The following CPA6 variants were observed in gnomAD, a reference collection of about 807,000 sequenced individuals.
CPA6 encodes carboxypeptidase A6, also known as carboxypeptidase B.
Under a neutral mutation model 63.3 loss-of-function variants are expected in CPA6, and 58 were observed. The observed-to-expected ratio is 0.92, with a 90% CI of 0.74 to 1.14. The LOEUF is 1.14. CPA6 is among the 50% of genes most tolerant of loss of function. CPA6 has a pLI of 0.00. For synonymous variants in CPA6, 185 were observed against 179.0 expected, an observed-to-expected ratio of 1.03 and a Z score of -0.27; for missense variants, 565 against 526.6, an observed-to-expected ratio of 1.07 and a Z score of -0.71.
intron 2 of CPA6, among the ~76,000 whole-genome samples, chr8:67,589,007 A>G (rs1192937676): frequency 6.6e-6 from 1 of 151,776 alleles, no homozygotes; most frequent in African/African-American, 2.4e-5. Context: ...ATACCAGAAA[A>G]CTCAAGAGGC....
At chr8:67,543,359 T>A (rs907297618) in intron 2 of CPA6, among the ~76,000 whole-genome samples, 3 of 152,250 alleles carry the variant, frequency 2.0e-5, no homozygotes, top group African/African-American at 7.2e-5. Flanking sequence ...CAGCACGATA[T>A]CAAGGGGCTT....
rs1306654202 is a variant in CPA6 at position 67,681,206 on chromosome 8, T to C, written c.117-56955A>G. Among the ~76,000 whole-genome samples the C allele has an allele frequency of 2.2e-4, 24 of 107,768 alleles. 1 individual carries two copies. Among genetic ancestry groups the C allele is most frequent in the African/African-American group, 1.1e-3 (20 of 18,730 alleles). 70.7% of individuals were successfully genotyped at this position (107,768 alleles called of 152,430 possible). A position where few individuals can be genotyped will look rare whatever the true frequency, so the allele number is the denominator to read the frequency against. Reference sequence around the variant, plus strand: ...CCAAGGTCACAAAGATTTTCTTTTTTTTTTTTTTTTTTTTGAGACGGAGTC... The same window carrying C: ...CCAAGGTCACAAAGATTTTCTTTTTCTTTTTTTTTTTTTTGAGACGGAGTC... On this transcript the variant is annotated intron_variant, in intron 1 of 10. Transcript: ENST00000297770.
chr8:67,746,064 CAA>C lies in CPA6; in HGVS notation c.64_65del (p.Leu22GlufsTer12). 1 of 1,613,886 alleles carries C rather than the reference CAA, an allele frequency of 6.2e-7. No homozygotes were observed. The highest frequency in any genetic ancestry group is 8.5e-7 in the Non-Finnish European group (1 of 1,179,842). On this transcript the variant is annotated frameshift_variant, in exon 1 of 11. Coordinates refer to ENST00000297770, the MANE Select transcript of CPA6 (RefSeq NM_020361.5). LOFTEE classifies it high-confidence loss of function. ...GGCTGTGCCCCGGTTGCAGAATCTT[CAA>C]AAAGAGCCAGCAAAGAGGCAGGAAA... ...AAFLPLCWLF[L>X]KILQPGHSHL...
At chr8:67,686,408 C>T (rs1018997646) in intron 1 of CPA6, among the ~76,000 whole-genome samples, 6 of 152,120 alleles carry the variant, frequency 3.9e-5, no homozygotes, top group East Asian at 1.9e-4. Context: ...AACCTGGTTC[C>T]GCATAAACAT....
intron 8 of CPA6, among the ~76,000 whole-genome samples, chr8:67,462,859 A>G (rs1324493314): frequency 6.6e-6 from 1 of 152,152 alleles, no homozygotes; most frequent in Non-Finnish European, 1.5e-5. Flanking sequence ...AGTAGCATTC[A>G]AGCAGAGTGC....
At chr8:67,577,135 C>G (rs79952319) in intron 2 of CPA6, among the ~76,000 whole-genome samples, 10,376 of 152,074 alleles carry the variant, frequency 0.068, 632 homozygotes, top group African/African-American at 0.16. Context: ...GATTATAGGC[C>G]TGAGTCACCT....
chr8:67,544,998 A>T (rs1022157200), intron 2 of CPA6, among the ~76,000 whole-genome samples: 1 of 152,226 alleles, frequency 6.6e-6, no homozygotes, highest in Non-Finnish European at 1.5e-5. Context: ...ATTTATCAAC[A>T]AGAAAGACTT....
rs374424995 is a variant in CPA6, at chr8:67,622,262, C to T, written c.192+1914G>A. On this transcript the variant is annotated intron_variant, in intron 2 of 10. Coordinates refer to ENST00000297770, the MANE Select transcript of CPA6 (RefSeq NM_020361.5). ...TATGAAAACACAATTTCAGTGGAGA[C>T]GGAAACTTCCACTCAAAACTTGCTT... is the stretch of plus-strand genomic sequence containing the variant. Among the ~76,000 whole-genome samples, 21 of 152,306 alleles carry T rather than the reference C, an allele frequency of 1.4e-4. No individual in the cohort carries two copies. In the East Asian group the frequency reaches 1.9e-3, roughly 14 times the overall value.
chr8:67,653,559 A>G (rs1304864229), intron 1 of CPA6, among the ~76,000 whole-genome samples: 1 of 151,916 alleles, frequency 6.6e-6, no homozygotes, highest in Non-Finnish European at 1.5e-5. Flanking sequence ...TTATTGGTGT[A>G]TAAGAATGTT....
intron 1 of CPA6, among the ~76,000 whole-genome samples, chr8:67,699,529 G>A (rs1427727756): frequency 3.3e-5 from 5 of 151,326 alleles, no homozygotes; most frequent in Non-Finnish European, 7.4e-5. Flanking sequence ...ACATTTACAT[G>A]CAATTTTAAG....
intron 6 of CPA6, among the ~76,000 whole-genome samples, chr8:67,493,026 C>G (rs937151902): frequency 6.6e-6 from 1 of 151,958 alleles, no homozygotes; most frequent in African/African-American, 2.4e-5. Flanking sequence ...TGGCAGTGAA[C>G]CAAAGTCAGA....
intron 2 of CPA6, among the ~76,000 whole-genome samples, chr8:67,523,177 G>T (rs945612537): frequency 6.6e-5 from 10 of 152,104 alleles, no homozygotes; most frequent in African/African-American, 2.2e-4. Flanking sequence ...ACTATAAATA[G>T]CATATTTTAA....
chr8:67,558,761 A>G (rs1813128296), intron 2 of CPA6, among the ~76,000 whole-genome samples: 1 of 152,188 alleles, frequency 6.6e-6, no homozygotes, highest in Non-Finnish European at 1.5e-5. Flanking sequence ...ATGTGTTTGA[A>G]CCAGGCAAAT....
At chr8:67,484,417 G>C (rs1404346738) in intron 7 of CPA6, among the ~76,000 whole-genome samples, 1 of 152,086 alleles carries the variant, frequency 6.6e-6, no homozygotes, top group Non-Finnish European at 1.5e-5. Flanking sequence ...AAAATTGAAT[G>C]GGCTGGACTA....
intron 1 of CPA6, among the ~76,000 whole-genome samples, chr8:67,663,974 G>A (rs1816174598): frequency 6.6e-6 from 1 of 152,298 alleles, no homozygotes; most frequent in African/African-American, 2.4e-5. Flanking sequence ...GCAGGAGGGG[G>A]CCTTTATTGG....
chr8:67,538,922 G>A (rs1306650558), intron 2 of CPA6, among the ~76,000 whole-genome samples: 2 of 152,142 alleles, frequency 1.3e-5, no homozygotes, highest in Non-Finnish European at 2.9e-5. Context: ...GACTCCCCAA[G>A]TGCTGGGATT....
intron 2 of CPA6, among the ~76,000 whole-genome samples, chr8:67,611,286 G>A (rs1176161651): frequency 6.6e-6 from 1 of 152,092 alleles, no homozygotes; most frequent in Non-Finnish European, 1.5e-5. Flanking sequence ...GTTTTGCCAT[G>A]TTGGCCAGGC....
intron 1 of CPA6, among the ~76,000 whole-genome samples, chr8:67,654,051 T>A (rs1287487703): frequency 6.6e-6 from 1 of 152,196 alleles, no homozygotes; most frequent in Non-Finnish European, 1.5e-5. Flanking sequence ...CATTTACTGA[T>A]TTGCATATAT....
intron 10 of CPA6, among the ~76,000 whole-genome samples, chr8:67,423,850 G>A (rs905215476): frequency 1.3e-5 from 2 of 152,184 alleles, no homozygotes; most frequent in African/African-American, 2.4e-5. Flanking sequence ...ACTGGTACTG[G>A]TATGATTTAC....
Sources: allele counts gnomAD v4.1 joint callset (sites outside exome capture counted in the v4.1 genomes callset), GRCh38; gene constraint gnomAD v4.1.1; transcripts MANE v1.5; gene names NCBI Gene and HGNC (gene_info 2026-07-23, HGNC 2026-07-21).